Variants in VGF observed in about 807,000 individuals in gnomAD.
VGF encodes VGF nerve growth factor inducible, also known as neurosecretory protein VGF.
In VGF, 13 loss-of-function variants were observed where a neutral mutation model predicts 41.1. The observed-to-expected ratio is 0.32, with a 90% confidence interval of 0.21 to 0.50. The LOEUF is 0.50. Ranked by LOEUF, VGF falls within the 20% of genes least tolerant of loss-of-function variation. The pLI is 0.98. For missense variants in VGF, 920 were observed against 882.1 expected, an observed-to-expected ratio of 1.04 and a Z score of -0.54; for synonymous variants, 473 against 418.3, an observed-to-expected ratio of 1.13 and a Z score of -1.60.
upstream of VGF, among the ~76,000 whole-genome samples, chr7:101,168,009 G>GT (rs374063215): frequency 0.04 from 4,040 of 99,914 alleles, 127 homozygotes; most frequent in South Asian, 0.051. Context: ...GTGCTGGGTT[G>GT]TTTTTTTTTG....
At position 101,163,161 on chromosome 7, in the gene VGF, C is replaced by T; in HGVS notation, c.1683G>A (p.Leu561=). ...AGGCGTGGTGGTAGTGGCGGCGGCGCAAGGCCGAGGGCGGCTGCAGTGTCC... is the reference window on the plus strand; with the variant it reads ...AGGCGTGGTGGTAGTGGCGGCGGCGTAAGGCCGAGGGCGGCTGCAGTGTCC... The part of the protein sequence containing the change: ...RPRTLQPPSA[L]RRRHYHHALP... The change falls in exon 2 of 2, where the codon TTG becomes TTA. Residue 561 remains leucine, a synonymous_variant. Coordinates refer to ENST00000249330, the MANE Select transcript of VGF (RefSeq NM_003378.4). This position sits in a 1 kb window ranked among gnomAD's most constrained non-coding sequence, Gnocchi z 5.0. The T allele has an allele frequency of 6.4e-7, 1 of 1,573,012 alleles. No individual in the cohort carries two copies. The highest frequency in any genetic ancestry group is 8.6e-7 in the Non-Finnish European group (1 of 1,164,068).
upstream of VGF, among the ~76,000 whole-genome samples, chr7:101,166,529 C>A (rs1399262912): frequency 2.9e-5 from 4 of 138,778 alleles, no homozygotes; most frequent in Non-Finnish European, 6.2e-5. Flanking sequence ...GGGGGGGTGA[C>A]TCAACTCCAG....
At position 101,163,061 on chromosome 7, in the gene VGF, G is replaced by C. The variant is rs1382809048; in HGVS notation, c.1783C>G (p.Arg595Gly). Reference sequence around the variant, plus strand: ...AGCTCCTCCTGCTCCTGCAGCCGGCGCTCCTCCGCCTCCGCCTCCTCCTGC... The same window carrying C: ...AGCTCCTCCTGCTCCTGCAGCCGGCCCTCCTCCGCCTCCGCCTCCTCCTGC... ...RAQEEAEAEE[R>G]RLQEQEELEN... The change falls in exon 2 of 2, where the codon CGC (arginine) becomes GGC (glycine). Residue 595 changes from arginine (R) to glycine (G), a missense_variant. Coordinates refer to ENST00000249330, the MANE Select transcript of VGF (RefSeq NM_003378.4). The surrounding 1 kb of genome is among the most constrained non-coding windows in gnomAD (Gnocchi z 5.0). 4 of 1,570,802 alleles carry C rather than the reference G, an allele frequency of 2.5e-6. No homozygotes were observed. In the East Asian group the frequency reaches 7.5e-5, roughly 29 times the overall value.
upstream of VGF, among the ~76,000 whole-genome samples, chr7:101,169,575 C>T (rs529300596): frequency 2.6e-4 from 39 of 152,260 alleles, 1 homozygote; most frequent in South Asian, 5.8e-3. Context: ...AGTGTTCTCA[C>T]TCATTCCTTT....
chr7:101,164,493 C>G lies in VGF; in HGVS notation c.351G>C (p.Glu117Asp). ...EEEAAEALLT[E>D]TVRSQTHSLP... The stretch of plus-strand genomic sequence containing the variant: ...GGCTGTGGGTCTGGCTGCGCACGGT[C>G]TCGGTCAGCAGAGCTTCAGCTGCTT... The change falls in exon 2 of 2, where the codon GAG becomes GAC. Residue 117 changes from glutamate (E) to aspartate (D), a missense_variant. By Grantham distance (45) the Glu-to-Asp change is conservative. Coordinates refer to ENST00000249330, the MANE Select transcript of VGF (RefSeq NM_003378.4). 1.2e-6 allele frequency: 2 copies of G among 1,601,488 alleles called. No homozygotes were observed. The highest frequency in any genetic ancestry group is 2.2e-5 in the East Asian group (1 of 44,830).
At position 101,164,380 on chromosome 7, in the gene VGF, T is replaced by A. The variant is rs1205865033; in HGVS notation, c.464A>T (p.Glu155Val). The change falls in exon 2 of 2, where the codon GAG becomes GTG. Residue 155 changes from glutamate (E) to valine (V), a missense_variant. By Grantham distance (121) the Glu-to-Val change is moderately radical (BLOSUM62 -2). Coordinates refer to ENST00000249330, the MANE Select transcript of VGF (RefSeq NM_003378.4). ...GAGCAGGGACGCTAGCGCCTCGAGC[T>A]CCTCGGAGGGATCGCTCGCCTCGGG... ...NGPEASDPSE[E>V]LEALASLLQE... The A allele has an allele frequency of 1.9e-6, 3 of 1,611,650 alleles. No individual in the cohort carries two copies. In the South Asian group the frequency reaches 3.3e-5, roughly 18 times the overall value.
rs1206175385 is a variant in VGF, at chr7:101,163,282, G to C, written c.1562C>G (p.Pro521Arg). 4.7e-6 allele frequency: 7 copies of C among 1,497,518 alleles called. No homozygotes were observed. Among genetic ancestry groups the C allele is most frequent in the East Asian group, 2.4e-5 (1 of 41,850 alleles). 92.8% of individuals were successfully genotyped at this position (1,497,518 alleles called of 1,614,324 possible). The change falls in exon 2 of 2, where the codon CCG becomes CGG. Residue 521 changes from proline (P) to arginine (R), a missense_variant. Transcript: ENST00000249330. The surrounding 1 kb of genome is among the most constrained non-coding windows in gnomAD (Gnocchi z 5.0). ...GGGCGGGAGCACCTCGTTCCAGTCC[G>C]GCAGCTCGTCTCGTGCGGGAGCGGG... ...PAPAPARDEL[P>R]DWNEVLPPWD...
upstream of VGF, among the ~76,000 whole-genome samples, chr7:101,166,305 G>A (rs776448874): frequency 3.3e-5 from 5 of 152,194 alleles, no homozygotes; most frequent in Admixed American, 6.5e-5. Flanking sequence ...CCTCTGGGTC[G>A]TGTCTGTTTC....
chr7:101,164,759 C>G lies in VGF; in HGVS notation c.85G>C (p.Glu29Gln). 1 of 1,610,312 alleles carries G rather than the reference C, an allele frequency of 6.2e-7. No individual in the cohort carries two copies. The change falls in exon 2 of 2, where the codon GAG becomes CAG. Residue 29 changes from glutamate (E) to glutamine (Q), a missense_variant. By Grantham distance (29) the Glu-to-Gln change is conservative. This residue lies in a region of VGF where 654 missense variants were observed against 638.4 expected (regional missense o/e 1.02). Transcript: ENST00000249330. Reference protein sequence around the residue: ...GLGAAPPGRPEAQPPPLSSEH... With the variant: ...GLGAAPPGRPQAQPPPLSSEH... ...GAGCTGAGAGGAGGAGGCTGCGCCT[C>G]AGGGCGACCAGGGGGTGCTGCCCCT...
upstream of VGF, among the ~76,000 whole-genome samples, chr7:101,166,692 G>C (rs1301638235): frequency 6.7e-6 from 1 of 148,680 alleles, no homozygotes; most frequent in East Asian, 2.0e-4. Flanking sequence ...TTCCGGGGGT[G>C]GGGGGCGATG....
chr7:101,166,093 C>T (rs1168395392), upstream of VGF, among the ~76,000 whole-genome samples: 3 of 152,184 alleles, frequency 2.0e-5, no homozygotes, highest in Non-Finnish European at 4.4e-5. Flanking sequence ...CCGGGTTCCC[C>T]ACCCCGAGAC....
Position 101,162,535 on chromosome 7 carries a change from C to G in VGF, c.*461G>C. On this transcript the variant is annotated 3_prime_UTR_variant, in exon 2 of 2. Transcript: ENST00000249330. The surrounding 1 kb of genome is among the most constrained non-coding windows in gnomAD (Gnocchi z 4.2). ...CCTAATAAAATAGTCACTTTTATTT[C>G]TTAGCAAAACTATTTCCTCCGTGAG... is the stretch of plus-strand genomic sequence containing the variant. 3.9e-6 allele frequency: 1 copy of G among 254,256 alleles called. No individual in the cohort carries two copies. The highest frequency in any genetic ancestry group is 7.9e-6 in the Non-Finnish European group (1 of 126,648). 15.7% of individuals were successfully genotyped at this position (254,256 alleles called of 1,614,324 possible).
chr7:101,164,725 T>G lies in VGF; in HGVS notation c.119A>C (p.Lys40Thr). The G allele has an allele frequency of 6.2e-7, 1 of 1,611,238 alleles. No homozygotes were observed. The highest frequency in any genetic ancestry group is 8.5e-7 in the Non-Finnish European group (1 of 1,179,126). ...CACTGCGTCCCCGGCTACCGGCTCT[T>G]TATGCTCAGAGCTGAGAGGAGGAGG... The part of the protein sequence containing the change: ...AQPPPLSSEH[K>T]EPVAGDAVPG... Residue 40 changes from lysine to threonine, a missense_variant, in exon 2 of 2, where the codon AAA becomes ACA. Around this residue, in one of 3 missense-constraint regions of VGF, gnomAD observed 654 missense variants for 638.4 expected, o/e 1.02. Transcript: ENST00000249330.
Position 101,162,954 on chromosome 7 carries a change from G to A in VGF, c.*42C>T, listed in dbSNP as rs1797132642. The A allele has an allele frequency of 1.9e-6, 2 of 1,048,632 alleles. No individual in the cohort carries two copies. The highest frequency in any genetic ancestry group is 2.5e-6 in the Non-Finnish European group (2 of 801,232). The allele number at this position is 1,048,632 out of a possible 1,614,324, so 65.0% of individuals were successfully genotyped here. On this transcript the variant is annotated 3_prime_UTR_variant, in exon 2 of 2. Transcript: ENST00000249330. This position sits in a 1 kb window ranked among gnomAD's most constrained non-coding sequence, Gnocchi z 4.2. ...AACACGGAGGGGGGCGCCGGCGCGC[G>A]CGCGCGGCGGGGGCGCGCGGGGGCG...
In VGF at chr7:101,163,314, G is replaced by C; in HGVS notation, c.1530C>G (p.Pro510=). The change falls in exon 2 of 2, where the codon CCC becomes CCG. Residue 510 remains proline, a synonymous_variant. Transcript: ENST00000249330. The surrounding 1 kb of genome is among the most constrained non-coding windows in gnomAD (Gnocchi z 5.0). ...CGTCTCGTGCGGGAGCGGGGGCGGG[G>C]GGCGGGGGCTGCGGGGAGCGGACGT... is the stretch of plus-strand genomic sequence containing the variant. ...PTHVRSPQPP[P]PAPAPARDEL... is the part of the protein sequence containing the mutation. 1 of 1,442,480 alleles carries C rather than the reference G, an allele frequency of 6.9e-7. No homozygotes were observed. Among genetic ancestry groups the C allele is most frequent in the Non-Finnish European group, 9.1e-7 (1 of 1,102,696 alleles). 89.4% of individuals were successfully genotyped at this position (1,442,480 alleles called of 1,614,324 possible).
Position 101,163,690 on chromosome 7 carries a change from G to A in VGF, c.1154C>T (p.Ala385Val). 1 of 1,535,810 alleles carries A rather than the reference G, an allele frequency of 6.5e-7. No individual in the cohort carries two copies. The highest frequency in any genetic ancestry group is 8.7e-7 in the Non-Finnish European group (1 of 1,146,570). The change falls in exon 2 of 2, where the codon GCG becomes GTG. Residue 385 changes from alanine to valine, a missense_variant. Physicochemically the swap from Ala to Val is moderately conservative, Grantham distance 64. Transcript: ENST00000249330. This position sits in a 1 kb window ranked among gnomAD's most constrained non-coding sequence, Gnocchi z 5.0. ...CTCCGCCTCTGCCTCCGCCTCGGCC[G>A]CCTCCTCATCCTCTTCCCCCACCCT... ...EERVGEEDEE[A>V]AEAEAEAEEA...
intron 1 of VGF, 68 bp downstream of exon 1, chr7:101,165,306 G>GC: frequency 1.0e-6 from 1 of 986,736 alleles, no homozygotes; most frequent in Non-Finnish European, 1.2e-6. Context: ...ATCGAGAGGA[G>GC]AGAGAACCCT....
chr7:101,164,542 C>T lies in VGF; in HGVS notation c.302G>A (p.Gly101Asp). ...DRPASPPAPSGSQQGPEEEAA... is the reference protein window; with the variant it reads ...DRPASPPAPSDSQQGPEEEAA... ...TTCTTCCTCCGGCCCCTGCTGGGAGCCGCTTGGTGCCGGGGGTGAGGCGGG... is the reference window on the plus strand; with the variant it reads ...TTCTTCCTCCGGCCCCTGCTGGGAGTCGCTTGGTGCCGGGGGTGAGGCGGG... The change falls in exon 2 of 2, where the codon GGC becomes GAC. Residue 101 changes from glycine to aspartate, a missense_variant. Gly to Asp is a moderately conservative substitution (Grantham distance 94). Coordinates refer to ENST00000249330, the MANE Select transcript of VGF (RefSeq NM_003378.4). The T allele has an allele frequency of 1.3e-6, 2 of 1,598,868 alleles. No homozygotes were observed. Among genetic ancestry groups the T allele is most frequent in the South Asian group, 1.1e-5 (1 of 90,490 alleles).
chr7:101,164,578 G>A lies in VGF; in HGVS notation c.266C>T (p.Ala89Val). ...CGGGGGTGAGGCGGGACGGTCGAGT[G>A]CCTGCAGCAGCACCGCGGCCAGCGC... Reference protein sequence around the residue: ...PRALAAVLLQALDRPASPPAP... With the variant: ...PRALAAVLLQVLDRPASPPAP... Residue 89 changes from alanine to valine, a missense_variant, in exon 2 of 2, where the codon GCA (alanine) becomes GTA (valine). By Grantham distance (64) the Ala-to-Val change is moderately conservative. Coordinates refer to ENST00000249330, the MANE Select transcript of VGF (RefSeq NM_003378.4). The A allele has an allele frequency of 1.2e-6, 2 of 1,600,272 alleles. No individual in the cohort carries two copies. The highest frequency in any genetic ancestry group is 3.4e-5 in the Admixed American group (2 of 59,122).
Sources: allele counts gnomAD v4.1 joint callset (sites outside exome capture counted in the v4.1 genomes callset), GRCh38; gene constraint gnomAD v4.1.1; regional missense constraint gnomAD v4.1.1; non-coding constraint Gnocchi (gnomAD v3.1); transcripts MANE v1.5; gene names NCBI Gene and HGNC (gene_info 2026-07-23, HGNC 2026-07-21).